Variants in CTNNA2 observed in about 807,000 individuals in gnomAD.
The protein encoded by CTNNA2 is catenin alpha-2.
A neutral mutation model predicts 101.0 loss-of-function variants in CTNNA2; 42 were observed. The ratio of observed to expected loss-of-function variants is 0.42; its 90% CI spans 0.32 to 0.54. The LOEUF (loss-of-function observed/expected upper bound fraction) is 0.54. Among genes scored for constraint, CTNNA2 ranks in the 20% least tolerant of loss-of-function variants. The pLI is 0.14. For synonymous variants in CTNNA2, 450 were observed against 456.4 expected (o/e 0.99, Z 0.18); for missense variants, 871 against 1,223.1 (o/e 0.71, Z 4.29).
intron 4 of CTNNA2, among the ~76,000 whole-genome samples, chr2:79,464,716 G>A (rs1164695742): frequency 6.6e-6 from 1 of 152,130 alleles, no homozygotes; most frequent in Non-Finnish European, 1.5e-5. Context: ...GTTTTGATTT[G>A]CATTTCTTTG....
chr2:79,315,891 T>C (rs993016025), intron 3 of CTNNA2, among the ~76,000 whole-genome samples: 1 of 152,124 alleles, frequency 6.6e-6, no homozygotes, highest in Non-Finnish European at 1.5e-5. Context: ...ATAAGGATTC[T>C]AATATCTCTA....
chr2:79,299,840 T>A (rs913737009), intron 2 of CTNNA2, among the ~76,000 whole-genome samples: 1 of 152,242 alleles, frequency 6.6e-6, no homozygotes, highest in Non-Finnish European at 1.5e-5. Context: ...CTGAGGCTAC[T>A]ATATGCTAAC....
chr2:79,816,378 G>T (rs951626668), intron 3 of CTNNA2, among the ~76,000 whole-genome samples: 2 of 152,052 alleles, frequency 1.3e-5, no homozygotes, highest in Non-Finnish European at 2.9e-5. Flanking sequence ...TCAGTATTAT[G>T]TTGGCTGTGG....
At chr2:80,430,963 A>G (rs1246170925) in intron 9 of CTNNA2, among the ~76,000 whole-genome samples, 1 of 152,286 alleles carries the variant, frequency 6.6e-6, no homozygotes, top group South Asian at 2.1e-4. Flanking sequence ...TTAAGATCAG[A>G]CACCTTCAAT....
intron 2 of CTNNA2, among the ~76,000 whole-genome samples, chr2:79,724,765 A>C (rs1320999883): frequency 1.3e-5 from 2 of 148,964 alleles, no homozygotes; most frequent in South Asian, 4.4e-4. Context: ...CAGTGAGCCA[A>C]GATCATGCCA....
At chr2:79,682,936 A>G (rs1683684356) in intron 2 of CTNNA2, among the ~76,000 whole-genome samples, 1 of 152,198 alleles carries the variant, frequency 6.6e-6, no homozygotes, top group Middle Eastern at 3.2e-3. Context: ...AATACAAAAT[A>G]TTTTATTTTC....
intron 7 of CTNNA2, among the ~76,000 whole-genome samples, chr2:80,269,356 A>C (rs1673272830): frequency 6.6e-6 from 1 of 152,172 alleles, no homozygotes; most frequent in Admixed American, 6.5e-5. Context: ...CTTGTGAAGA[A>C]GGACGTGTTT....
intron 1 of CTNNA2, among the ~76,000 whole-genome samples, chr2:79,595,024 G>T (rs1677096788): frequency 6.6e-6 from 1 of 151,104 alleles, no homozygotes; most frequent in South Asian, 2.1e-4. Flanking sequence ...TGCTGATATT[G>T]ATCAAGGAAC....
chr2:80,436,132 G>A (rs185266608), intron 9 of CTNNA2, among the ~76,000 whole-genome samples: 1 of 152,154 alleles, frequency 6.6e-6, no homozygotes, highest in South Asian at 2.1e-4. Context: ...CTAGAGTCAC[G>A]GTCATCGACA....
intron 1 of CTNNA2, among the ~76,000 whole-genome samples, chr2:79,589,908 G>C (rs1676737747): frequency 6.6e-6 from 1 of 152,128 alleles, no homozygotes; most frequent in Non-Finnish European, 1.5e-5. Context: ...TAAAAATTTA[G>C]TTAAAAAGCA....
intron 7 of CTNNA2, among the ~76,000 whole-genome samples, chr2:80,250,205 GT>G (rs1297495933): frequency 5.9e-4 from 62 of 105,032 alleles, no homozygotes; most frequent in Non-Finnish European, 8.3e-4. Context: ...GAGAGAGAGA[GT>G]GTGTGTGTGT....
intron 9 of CTNNA2, among the ~76,000 whole-genome samples, chr2:80,490,816 T>C: frequency 6.6e-6 from 1 of 152,204 alleles, no homozygotes; most frequent in East Asian, 1.9e-4. Flanking sequence ...GAGCACTACA[T>C]CTTTGTGTTA....
At chr2:80,024,618 T>A (rs376429198) in intron 7 of CTNNA2, among the ~76,000 whole-genome samples, 1 of 152,302 alleles carries the variant, frequency 6.6e-6, no homozygotes, top group South Asian at 2.1e-4. Flanking sequence ...TGGAACTGGC[T>A]GGTCACTCCG....
intron 7 of CTNNA2, among the ~76,000 whole-genome samples, chr2:80,259,578 C>G (rs539209306): frequency 6.6e-6 from 1 of 152,246 alleles, no homozygotes; most frequent in South Asian, 2.1e-4. Flanking sequence ...GGTTTTAACC[C>G]TTTTCCAGAA....
intron 7 of CTNNA2, among the ~76,000 whole-genome samples, chr2:80,109,084 A>G (rs1049750235): frequency 2.0e-5 from 3 of 152,206 alleles, no homozygotes; most frequent in Admixed American, 1.3e-4. Flanking sequence ...GATGATGATA[A>G]AGTCCAAGTG....
chr2:79,614,698 A>G (rs1372980581), intron 1 of CTNNA2, among the ~76,000 whole-genome samples: 1 of 152,162 alleles, frequency 6.6e-6, no homozygotes, highest in Non-Finnish European at 1.5e-5. Flanking sequence ...ATTTTTGGAT[A>G]GTCTTTGATT....
At chr2:79,576,350 T>C (rs183560047) in intron 1 of CTNNA2, among the ~76,000 whole-genome samples, 1 of 152,326 alleles carries the variant, frequency 6.6e-6, no homozygotes, top group African/African-American at 2.4e-5. Context: ...TGATGTCTTG[T>C]TTTGAGTGGT....
intron 7 of CTNNA2, among the ~76,000 whole-genome samples, chr2:80,032,157 A>C (rs1695333389): frequency 1.3e-5 from 2 of 152,190 alleles, no homozygotes; most frequent in African/African-American, 4.8e-5. Context: ...GCTGCCTGGG[A>C]GGAAGAGCGG....
intron 8 of CTNNA2, among the ~76,000 whole-genome samples, chr2:80,394,174 T>C (rs1012010698): frequency 5.3e-5 from 8 of 152,178 alleles, no homozygotes; most frequent in African/African-American, 1.9e-4. Context: ...GCTGAAACAA[T>C]TGGGTTAGCA....
Sources: gnomAD v4.1 joint callset for allele counts (sites outside exome capture counted in the v4.1 genomes callset) on GRCh38, gnomAD v4.1.1 for gene constraint, MANE v1.5 for transcripts, NCBI Gene and HGNC (gene_info 2026-07-23, HGNC 2026-07-21) for gene names.